The following CHN2 variants were observed in gnomAD, a reference collection of about 807,000 sequenced individuals.
The protein encoded by CHN2 is beta-chimaerin.
CHN2 carries 35 observed loss-of-function variants against 56.3 expected under a neutral mutation model. The ratio of observed to expected loss-of-function variants is 0.62; its 90% CI spans 0.47 to 0.82. CHN2 has a LOEUF of 0.82. Among genes scored for constraint, CHN2 ranks in the 40% least tolerant of loss-of-function variants. The probability of loss-of-function intolerance (pLI) is 0.00; values close to 1 mark genes in which losing one functional copy is unlikely to be tolerated. For synonymous variants in CHN2, 210 were observed against 212.8 expected (o/e 0.99, Z 0.12); for missense variants, 491 against 580.5 (o/e 0.85, Z 1.58).
intron 1 of CHN2, among the ~76,000 whole-genome samples, chr7:29,256,891 T>G (rs570971498): frequency 4.6e-5 from 7 of 152,328 alleles, no homozygotes; most frequent in Admixed American, 3.9e-4. Context: ...GAGTTCTGGC[T>G]GAAAATTCCT....
chr7:29,180,676 G>C (rs893580005), intron 2 of CHN2, among the ~76,000 whole-genome samples: 1 of 152,142 alleles, frequency 6.6e-6, no homozygotes, highest in African/African-American at 2.4e-5. Flanking sequence ...TAATTACTAT[G>C]TAAAGAGTTA....
chr7:29,429,496 GTT>G (rs1183293340), intron 6 of CHN2, among the ~76,000 whole-genome samples: 1 of 152,146 alleles, frequency 6.6e-6, no homozygotes, highest in African/African-American at 2.4e-5. Flanking sequence ...TACTTTATAA[GTT>G]GAGAAATTGA....
chr7:29,293,378 A>T (rs1250628579), intron 1 of CHN2, among the ~76,000 whole-genome samples: 1 of 15,698 alleles, frequency 6.4e-5, no homozygotes, highest in Non-Finnish European at 1.6e-4. Context: ...CCCCCCCCCC[A>T]TATTAACTCC....
chr7:29,410,327 A>G (rs937314818), intron 6 of CHN2, among the ~76,000 whole-genome samples: 2 of 151,718 alleles, frequency 1.3e-5, no homozygotes, highest in African/African-American at 2.4e-5. Flanking sequence ...TAGTAATTAT[A>G]TGGTGGTTTT....
chr7:29,500,372 C>G (rs1789835842), intron 9 of CHN2, among the ~76,000 whole-genome samples: 1 of 152,168 alleles, frequency 6.6e-6, no homozygotes, highest in Non-Finnish European at 1.5e-5. Context: ...CGCCTGTAAT[C>G]CCAACACTTT....
At chr7:29,237,056 G>A (rs1787250497) in intron 1 of CHN2, among the ~76,000 whole-genome samples, 1 of 152,274 alleles carries the variant, frequency 6.6e-6, no homozygotes. Context: ...CTACCCCAAG[G>A]TGCCAAGGAT....
chr7:29,156,855 G>A (rs1443055137), intron 2 of CHN2, among the ~76,000 whole-genome samples: 1 of 152,144 alleles, frequency 6.6e-6, no homozygotes, highest in African/African-American at 2.4e-5. Flanking sequence ...GATCTATCTA[G>A]CAAAATCTGC....
intron 1 of CHN2, among the ~76,000 whole-genome samples, chr7:29,271,011 T>C (rs1790589814): frequency 6.6e-6 from 1 of 152,192 alleles, no homozygotes; most frequent in South Asian, 2.1e-4. Flanking sequence ...CTACATTATC[T>C]TGATAATCTT....
At chr7:29,484,218 C>G (rs1206882145) in intron 7 of CHN2, among the ~76,000 whole-genome samples, 4 of 152,140 alleles carry the variant, frequency 2.6e-5, no homozygotes, top group African/African-American at 9.7e-5. Context: ...CTGGTTTATA[C>G]CCCTCGTTTG....
At chr7:29,266,435 C>T (rs906836357) in intron 1 of CHN2, among the ~76,000 whole-genome samples, 1 of 152,212 alleles carries the variant, frequency 6.6e-6, no homozygotes, top group African/African-American at 2.4e-5. Context: ...AGACCAGCAA[C>T]AGCTTTTGTC....
chr7:29,173,874 C>CA (rs1407579152), intron 2 of CHN2, among the ~76,000 whole-genome samples: 6 of 151,264 alleles, frequency 4.0e-5, no homozygotes, highest in Admixed American at 4.0e-4. Context: ...ATTACTTGGA[C>CA]CTGGGAGGTG....
chr7:29,167,549 G>A (rs77337147), intron 2 of CHN2, among the ~76,000 whole-genome samples: 3,507 of 152,172 alleles, frequency 0.023, 152 homozygotes, highest in African/African-American at 0.077. Context: ...TTGCTGAGTC[G>A]AAGACTATAT....
At chr7:29,475,993 A>C (rs1455901421) in intron 6 of CHN2, among the ~76,000 whole-genome samples, 1 of 152,204 alleles carries the variant, frequency 6.6e-6, no homozygotes, top group Non-Finnish European at 1.5e-5. Flanking sequence ...ATTAAATGCC[A>C]TTGGATTTTA....
At chr7:29,244,679 C>G (rs1369465013) in intron 1 of CHN2, among the ~76,000 whole-genome samples, 2 of 152,226 alleles carry the variant, frequency 1.3e-5, no homozygotes, top group Non-Finnish European at 2.9e-5. Context: ...ATATTGTCAT[C>G]TCCCTGGTAT....
intron 12 of CHN2, among the ~76,000 whole-genome samples, chr7:29,510,449 A>T (rs1791173377): frequency 6.6e-6 from 1 of 152,160 alleles, no homozygotes; most frequent in African/African-American, 2.4e-5. Context: ...AAGAACAAAA[A>T]AATTCACTCC....
At chr7:29,416,517 A>G (rs1803757714) in intron 6 of CHN2, among the ~76,000 whole-genome samples, 1 of 152,242 alleles carries the variant, frequency 6.6e-6, no homozygotes, top group Non-Finnish European at 1.5e-5. Context: ...ATTTTAGCGT[A>G]CATGAGAATC....
At chr7:29,332,227 C>T (rs1796278836) in intron 1 of CHN2, among the ~76,000 whole-genome samples, 1 of 152,132 alleles carries the variant, frequency 6.6e-6, no homozygotes, top group African/African-American at 2.4e-5. Context: ...CTTTCTGGGG[C>T]AATTTTCTCT....
At chr7:29,313,083 C>G (rs1794708116) in intron 1 of CHN2, among the ~76,000 whole-genome samples, 2 of 152,118 alleles carry the variant, frequency 1.3e-5, no homozygotes, top group African/African-American at 2.4e-5. Flanking sequence ...ATCGGACTCT[C>G]TTCCAAACAT....
intron 6 of CHN2, among the ~76,000 whole-genome samples, chr7:29,408,566 G>C (rs942937533): frequency 2.0e-5 from 3 of 152,168 alleles, no homozygotes; most frequent in Non-Finnish European, 4.4e-5. Context: ...ACAGTTACCT[G>C]TGCTGGTTCA....
Sources: gnomAD v4.1 joint callset for allele counts (sites outside exome capture counted in the v4.1 genomes callset) on GRCh38, gnomAD v4.1.1 for gene constraint, MANE v1.5 for transcripts, NCBI Gene and HGNC (gene_info 2026-07-23, HGNC 2026-07-21) for gene names.